The following ZNF423 variants were observed in gnomAD, a reference collection of about 807,000 sequenced individuals.
The protein encoded by ZNF423 is zinc finger protein 423.
In ZNF423, 12 loss-of-function variants were observed where a neutral mutation model predicts 95.8. The ratio of observed to expected loss-of-function variants is 0.13; its 90% CI spans 0.08 to 0.20. The LOEUF (loss-of-function observed/expected upper bound fraction) is 0.20, where lower values mean the gene tolerates loss of function less well. Among genes scored for constraint, ZNF423 ranks in the 10% least tolerant of loss-of-function variants. ZNF423 has a pLI of 1.00. For synonymous variants in ZNF423, 749 were observed against 711.9 expected (o/e 1.05, Z -0.83); for missense variants, 1,316 against 1,737.1 (o/e 0.76, Z 4.31).
chr16:49,629,586 C>T (rs887285354), intron 4 of ZNF423, among the ~76,000 whole-genome samples: 1 of 152,150 alleles, frequency 6.6e-6, no homozygotes, highest in Non-Finnish European at 1.5e-5. Flanking sequence ...CCCTCCACAT[C>T]CCTGAACTTA....
intron 5 of ZNF423, among the ~76,000 whole-genome samples, chr16:49,594,700 T>C (rs1971127306): frequency 6.6e-6 from 1 of 151,866 alleles, no homozygotes; most frequent in Non-Finnish European, 1.5e-5. Flanking sequence ...CAAAGACATC[T>C]AAACCCATAA....
intron 7 of ZNF423, among the ~76,000 whole-genome samples, chr16:49,512,813 C>T (rs1175866548): frequency 6.6e-6 from 1 of 152,100 alleles, no homozygotes; most frequent in Non-Finnish European, 1.5e-5. Flanking sequence ...AAATAATGGG[C>T]GGCTGGGCAC....
At chr16:49,625,385 C>G (rs1054309999) in intron 5 of ZNF423, among the ~76,000 whole-genome samples, 1 of 152,144 alleles carries the variant, frequency 6.6e-6, no homozygotes, top group Non-Finnish European at 1.5e-5. Context: ...TGAAGTTCAA[C>G]CCATGGCTGC....
At chr16:49,575,238 A>AT (rs984216906) in intron 5 of ZNF423, among the ~76,000 whole-genome samples, 6 of 151,914 alleles carry the variant, frequency 3.9e-5, no homozygotes, top group African/African-American at 7.3e-5. Context: ...CTTTCAACAC[A>AT]TTTTTTTTAG....
intron 3 of ZNF423, among the ~76,000 whole-genome samples, chr16:49,717,303 A>T (rs973504098): frequency 4.0e-5 from 6 of 150,460 alleles, no homozygotes; most frequent in African/African-American, 1.5e-4. Flanking sequence ...CCATCATAGG[A>T]ACAGGCCCCC....
At chr16:49,617,193 C>A (rs1009264090) in intron 5 of ZNF423, among the ~76,000 whole-genome samples, 1 of 152,164 alleles carries the variant, frequency 6.6e-6, no homozygotes, top group Non-Finnish European at 1.5e-5. Context: ...AGCTTCAGGA[C>A]GCTCCTGAGG....
intron 3 of ZNF423, among the ~76,000 whole-genome samples, chr16:49,653,788 G>A (rs981273046): frequency 6.6e-6 from 1 of 152,148 alleles, no homozygotes; most frequent in South Asian, 2.1e-4. Flanking sequence ...ACTGCCTCCC[G>A]GAAGCCTTCC....
intron 7 of ZNF423, among the ~76,000 whole-genome samples, chr16:49,500,592 G>A (rs958001170): frequency 1.3e-5 from 2 of 152,166 alleles, no homozygotes; most frequent in African/African-American, 4.8e-5. Flanking sequence ...CTTGAGAAGA[G>A]CCTGGGGTGG....
intron 7 of ZNF423, among the ~76,000 whole-genome samples, chr16:49,516,495 C>T (rs1310359227): frequency 6.6e-6 from 1 of 152,212 alleles, no homozygotes; most frequent in Non-Finnish European, 1.5e-5. Flanking sequence ...CACACCCCTG[C>T]CTTACAGGTA....
In ZNF423 at chr16:49,583,657, A is replaced by G. The variant is rs117414866; in HGVS notation, c.3601+42513T>C. ...CACTTATATGTCGTCAAGCTCAATG[A>G]CCATTACCCAGGGAGAAAGGGTGGA... On this transcript the variant is annotated intron_variant, in intron 5 of 7. Coordinates refer to ENST00000563137, the MANE Select transcript of ZNF423 (RefSeq NM_001379286.1). 9.2e-5 allele frequency among the ~76,000 whole-genome samples: 14 copies of G among 152,254 alleles called. No individual in the cohort carries two copies. The East Asian group carries it at 2.5e-3, about 27-fold the overall frequency.
chr16:49,645,917 A>G (rs537015936), intron 3 of ZNF423, among the ~76,000 whole-genome samples: 1 of 152,312 alleles, frequency 6.6e-6, no homozygotes, highest in South Asian at 2.1e-4. Context: ...TCCCCTTCCA[A>G]CATGATTGTT....
At chr16:49,800,247 A>AAAAAAAAAAAAGAT (rs2034561725) in intron 1 of ZNF423, among the ~76,000 whole-genome samples, 1 of 151,854 alleles carries the variant, frequency 6.6e-6, no homozygotes, top group African/African-American at 2.4e-5. Context: ...CTGTCTCAAA[A>AAAAAAAAAAAAGAT]AAAAAAAAAA....
intron 2 of ZNF423, among the ~76,000 whole-genome samples, chr16:49,784,807 A>G (rs1166275285): frequency 6.6e-6 from 1 of 151,914 alleles, no homozygotes; most frequent in East Asian, 1.9e-4. Flanking sequence ...AAAATTAGTC[A>G]GGTGTGGTGG....
chr16:49,631,684 A>C (rs1448613268), intron 4 of ZNF423, among the ~76,000 whole-genome samples: 1 of 152,188 alleles, frequency 6.6e-6, no homozygotes, highest in Non-Finnish European at 1.5e-5. Context: ...GCAGGGAAGA[A>C]ATGGCCAGGC....
intron 7 of ZNF423, among the ~76,000 whole-genome samples, chr16:49,499,215 C>G (rs1967287002): frequency 6.6e-6 from 1 of 152,254 alleles, no homozygotes; most frequent in Non-Finnish European, 1.5e-5. Context: ...CTGAGATGTC[C>G]TATGGCAGAG....
At chr16:49,775,368 G>A (rs1258512047) in intron 2 of ZNF423, among the ~76,000 whole-genome samples, 1 of 152,210 alleles carries the variant, frequency 6.6e-6, no homozygotes, top group African/African-American at 2.4e-5. Context: ...AGGCTCAAAG[G>A]CATCCTGACC....
intron 3 of ZNF423, among the ~76,000 whole-genome samples, chr16:49,703,914 T>C (rs182432861): frequency 4.1e-4 from 62 of 152,272 alleles, no homozygotes; most frequent in African/African-American, 1.4e-3. Flanking sequence ...ACAGGAGCCC[T>C]GTGGTGAGTG....
intron 5 of ZNF423, among the ~76,000 whole-genome samples, chr16:49,576,009 G>A (rs1970486555): frequency 6.6e-6 from 1 of 152,174 alleles, no homozygotes; most frequent in African/African-American, 2.4e-5. Context: ...ACCCCAGATA[G>A]TGCTCCTGAC....
chr16:49,624,572 CA>C (rs1972196923), intron 5 of ZNF423, among the ~76,000 whole-genome samples: 1 of 151,990 alleles, frequency 6.6e-6, no homozygotes, highest in African/African-American at 2.4e-5. Flanking sequence ...CAAACCAAAC[CA>C]AAACAAAAGA....
Sources: gnomAD v4.1 joint callset for allele counts (sites outside exome capture counted in the v4.1 genomes callset) on GRCh38, gnomAD v4.1.1 for gene constraint, MANE v1.5 for transcripts, NCBI Gene and HGNC (gene_info 2026-07-23, HGNC 2026-07-21) for gene names.